The following CTNNA3 variants were observed in gnomAD, a reference collection of about 807,000 sequenced individuals.
The protein encoded by CTNNA3 is catenin alpha 3.
In CTNNA3, 76 loss-of-function variants were observed where a neutral mutation model predicts 95.7. The ratio of observed to expected loss-of-function variants is 0.79; its 90% confidence interval spans 0.66 to 0.96. The LOEUF (loss-of-function observed/expected upper bound fraction) is 0.96, where lower values mean the gene tolerates loss of function less well. CTNNA3 is among the 40% of genes least tolerant of loss of function. CTNNA3 has a pLI of 0.00. For synonymous variants in CTNNA3, 431 were observed against 374.4 expected (o/e 1.15, Z -1.74); for missense variants, 1,191 against 1,089.8 (o/e 1.09, Z -1.31).
chr10:66,680,458 G>T (rs575307917), intron 9 of CTNNA3, among the ~76,000 whole-genome samples: 15 of 152,310 alleles, frequency 9.8e-5, no homozygotes, highest in Admixed American at 8.5e-4. Context: ...TTCAAAGGAA[G>T]AAGAATGGCA....
intron 10 of CTNNA3, among the ~76,000 whole-genome samples, chr10:66,521,037 T>C (rs1841049535): frequency 6.6e-6 from 1 of 151,466 alleles, no homozygotes; most frequent in South Asian, 2.1e-4. Context: ...CAGTGATTTA[T>C]TTCAATACAT....
At chr10:67,305,364 T>TAAA (rs58055640) in intron 5 of CTNNA3, among the ~76,000 whole-genome samples, 12 of 115,992 alleles carry the variant, frequency 1.0e-4, no homozygotes, top group African/African-American at 2.2e-4. Context: ...TAGAGTATAA[T>TAAA]AAAAAAAAAA....
At chr10:66,823,142 T>G (rs61435459) in intron 7 of CTNNA3, among the ~76,000 whole-genome samples, 1 of 152,042 alleles carries the variant, frequency 6.6e-6, no homozygotes, top group Non-Finnish European at 1.5e-5. Flanking sequence ...TGTTTAGGAG[T>G]CTGGAAAATC....
At chr10:66,661,208 A>G (rs10437373) in intron 9 of CTNNA3, among the ~76,000 whole-genome samples, 99,542 of 151,910 alleles carry the variant, frequency 0.66, 33,447 homozygotes, top group East Asian at 0.95. Context: ...ACTGCTGATA[A>G]AAACATGTCT....
At chr10:66,047,043 T>C (rs7912416) in intron 15 of CTNNA3, among the ~76,000 whole-genome samples, 50,968 of 151,924 alleles carry the variant, frequency 0.34, 8,547 homozygotes, top group South Asian at 0.42. Flanking sequence ...CGAATTCTAC[T>C]AGATGTACAA....
chr10:67,690,526 T>G (rs1840823194), intron 1 of CTNNA3, among the ~76,000 whole-genome samples: 1 of 152,172 alleles, frequency 6.6e-6, no homozygotes, highest in Non-Finnish European at 1.5e-5. Flanking sequence ...TACAGAGTCC[T>G]GATTGGTGCA....
intron 7 of CTNNA3, among the ~76,000 whole-genome samples, chr10:66,910,412 C>G (rs2132556104): frequency 6.6e-6 from 1 of 152,320 alleles, no homozygotes; most frequent in South Asian, 2.1e-4. Context: ...AACTTTATCA[C>G]TACCCTTAAC....
intron 2 of CTNNA3, among the ~76,000 whole-genome samples, chr10:67,608,811 C>T (rs1279611866): frequency 6.6e-6 from 1 of 152,052 alleles, no homozygotes; most frequent in Non-Finnish European, 1.5e-5. Context: ...CCATTTCTGG[C>T]CAGGGGCAGT....
At chr10:66,085,642 T>A (rs943986929) in intron 14 of CTNNA3, among the ~76,000 whole-genome samples, 3 of 152,128 alleles carry the variant, frequency 2.0e-5, no homozygotes, top group Non-Finnish European at 2.9e-5. Flanking sequence ...TTCAAAAAAT[T>A]CTCAAAGAAT....
chr10:66,931,408 A>G (rs1847383900), intron 7 of CTNNA3, among the ~76,000 whole-genome samples: 2 of 152,190 alleles, frequency 1.3e-5, no homozygotes, highest in Admixed American at 6.5e-5. Flanking sequence ...TGCAAGATAT[A>G]TTGCATTGAA....
intron 11 of CTNNA3, among the ~76,000 whole-genome samples, chr10:66,407,763 TAG>T (rs1032820246): frequency 5.3e-5 from 8 of 152,142 alleles, no homozygotes; most frequent in Non-Finnish European, 1.2e-4. Flanking sequence ...GTATTTTTAA[TAG>T]AGACGGGGTT....
intron 5 of CTNNA3, among the ~76,000 whole-genome samples, chr10:67,240,081 T>C (rs1865661869): frequency 6.6e-6 from 1 of 152,206 alleles, no homozygotes; most frequent in Non-Finnish European, 1.5e-5. Flanking sequence ...AAAGCAGAGC[T>C]ACATACAAAT....
At chr10:67,727,180 T>C (rs185094880) in intron 1 of CTNNA3, among the ~76,000 whole-genome samples, 9 of 125,574 alleles carry the variant, frequency 7.2e-5, no homozygotes, top group African/African-American at 2.7e-4. Context: ...GATACATATA[T>C]TATATATATT....
intron 12 of CTNNA3, among the ~76,000 whole-genome samples, chr10:66,359,409 G>C (rs2092636475): frequency 6.6e-6 from 1 of 152,130 alleles, no homozygotes; most frequent in Non-Finnish European, 1.5e-5. Context: ...TGGTGGATAA[G>C]AAAAAGCTGG....
chr10:67,149,791 A>G (rs1861013567), intron 7 of CTNNA3, among the ~76,000 whole-genome samples: 1 of 152,184 alleles, frequency 6.6e-6, no homozygotes, highest in Non-Finnish European at 1.5e-5. Context: ...CAATATTCAA[A>G]GAATGCAGCT....
intron 7 of CTNNA3, among the ~76,000 whole-genome samples, chr10:66,807,332 G>A (rs2132252975): frequency 2.0e-5 from 3 of 152,160 alleles, no homozygotes; most frequent in Admixed American, 2.0e-4. Context: ...TCTGCACAGG[G>A]AGGACCTTAT....
chr10:67,538,170 A>T (rs1840545907), intron 4 of CTNNA3, among the ~76,000 whole-genome samples: 1 of 151,282 alleles, frequency 6.6e-6, no homozygotes, highest in Admixed American at 6.6e-5. Flanking sequence ...AAAAAAAAAA[A>T]AAAAAAAAAA....
intron 7 of CTNNA3, among the ~76,000 whole-genome samples, chr10:66,790,255 C>T (rs1329463796): frequency 6.6e-6 from 1 of 152,090 alleles, no homozygotes; most frequent in East Asian, 1.9e-4. Flanking sequence ...TCAAGACCAG[C>T]CTGGTCAACA....
chr10:67,479,015 T>G (rs10823047), intron 5 of CTNNA3, among the ~76,000 whole-genome samples: 26,028 of 151,960 alleles, frequency 0.17, 3,490 homozygotes, highest in East Asian at 0.35. Flanking sequence ...ACAAAGAAGG[T>G]TATTACACAA....
Sources: allele counts gnomAD v4.1 joint callset (sites outside exome capture counted in the v4.1 genomes callset), GRCh38; gene constraint gnomAD v4.1.1; transcripts MANE v1.5; gene names NCBI Gene and HGNC (gene_info 2026-07-23, HGNC 2026-07-21).